Variants in RDX observed in about 807,000 individuals in gnomAD.
The protein encoded by RDX is deafness, autosomal recessive 24.
In RDX, 32 loss-of-function variants were observed where a neutral mutation model predicts 83.7. The ratio of observed to expected loss-of-function variants is 0.38; its 90% CI spans 0.29 to 0.51. The LOEUF (loss-of-function observed/expected upper bound fraction) is 0.51. Ranked by LOEUF, RDX falls within the 20% of genes least tolerant of loss-of-function variation. The pLI is 0.87. For synonymous variants in RDX, 229 were observed against 222.7 expected (o/e 1.03, Z -0.25); for missense variants, 600 against 689.9 (o/e 0.87, Z 1.46).
At chr11:110,255,466 T>G in intron 7 of RDX, 81 bp from the exon 8 acceptor site, 1 of 771,558 alleles carries the variant, frequency 1.3e-6, no homozygotes, top group East Asian at 2.5e-5. Flanking sequence ...ACTGACTGAA[T>G]GACCAATCTT....
At chr11:110,267,462 G>A (rs1242096354) in intron 3 of RDX, among the ~76,000 whole-genome samples, 2 of 151,666 alleles carry the variant, frequency 1.3e-5, no homozygotes, top group South Asian at 2.1e-4. Flanking sequence ...GCAGTGAGCC[G>A]AGTTCGCGCC....
chr11:110,224,383 A>G (rs1288654904), intron 14 of RDX, among the ~76,000 whole-genome samples: 1 of 152,258 alleles, frequency 6.6e-6, no homozygotes, highest in East Asian at 1.9e-4. Context: ...TAATTCAAAC[A>G]TACACAGATA....
At chr11:110,267,566 A>ACACACACAC (rs1565324977) in intron 3 of RDX, among the ~76,000 whole-genome samples, 2 of 148,690 alleles carry the variant, frequency 1.3e-5, no homozygotes, top group Admixed American at 6.7e-5. Flanking sequence ...ACACACACAC[A>ACACACACAC]AATAATCTTA....
Position 110,230,787 on chromosome 11 carries a change from G to C in RDX, c.*1082C>G, listed in dbSNP as rs746957862. ...ATATTCTGAAGGAAAATGAAATTTC[G>C]AAAGTATTTCTTGATGATCGAGGCT... On this transcript the variant is annotated 3_prime_UTR_variant, in exon 14 of 14. Transcript: ENST00000645495. 1 of 152,612 alleles carries C rather than the reference G, an allele frequency of 6.6e-6. No individual in the cohort carries two copies. Among genetic ancestry groups the C allele is most frequent in the African/African-American group, 2.4e-5 (1 of 41,534 alleles). 9.5% of individuals were successfully genotyped at this position (152,612 alleles called of 1,614,324 possible).
chr11:110,177,239 G>T (rs566598654), intron 15 of RDX, among the ~76,000 whole-genome samples: 1 of 152,220 alleles, frequency 6.6e-6, no homozygotes, highest in African/African-American at 2.4e-5. Context: ...GCCTGAGGCC[G>T]CGACAGTGCG....
In RDX at chr11:110,273,159, G is replaced by A. The variant is rs1239342448; in HGVS notation, c.13-540C>T. The A allele has an allele frequency of 8.9e-6, 4 of 450,358 alleles. No homozygotes were observed. The Admixed American group carries it at 9.5e-5, about 11-fold the overall frequency. 27.9% of individuals were successfully genotyped at this position (450,358 alleles called of 1,614,324 possible). A position where few individuals can be genotyped will look rare whatever the true frequency, so the allele number is the denominator to read the frequency against. On this transcript the variant is annotated intron_variant, in intron 2 of 13. Transcript: ENST00000645495. The stretch of plus-strand genomic sequence containing the variant: ...CCTAGGAGTTTGAGGGCTGCCGTGA[G>A]CTATGATTGTACTACTGAACTTCAG...
In RDX at chr11:110,269,765, C is replaced by T. The variant is rs137948051; in HGVS notation, c.96+2771G>A. The stretch of plus-strand genomic sequence containing the variant: ...ACTCAATAATCTAGACCAGGCTGGA[C>T]GGTGGCTCACGCCTGTAATCCTGGC... On this transcript the variant is annotated intron_variant, in intron 3 of 13. Coordinates refer to ENST00000645495, the MANE Select transcript of RDX (RefSeq NM_002906.4). Among the ~76,000 whole-genome samples the T allele has an allele frequency of 6.3e-3, 964 of 152,252 alleles. 11 individuals carry two copies. Among genetic ancestry groups the T allele is most frequent in the African/African-American group, 0.021 (870 of 41,544 alleles).
At chr11:110,283,186 C>T (rs2134432001) in intron 1 of RDX, among the ~76,000 whole-genome samples, 1 of 152,182 alleles carries the variant, frequency 6.6e-6, no homozygotes, top group South Asian at 2.1e-4. Context: ...TGGAGTCTCG[C>T]TCTGTCACCC....
At chr11:110,259,326 A>G (rs1044136147) in intron 5 of RDX, among the ~76,000 whole-genome samples, 1 of 152,222 alleles carries the variant, frequency 6.6e-6, no homozygotes, top group Admixed American at 6.5e-5. Flanking sequence ...TGCACACTAC[A>G]GTTTGTGACT....
At chr11:110,255,525 G>T in intron 7 of RDX, 140 bp from the exon 8 acceptor site, 1 of 628,488 alleles carries the variant, frequency 1.6e-6, no homozygotes, top group Non-Finnish European at 2.9e-6. Context: ...AACTACAGTT[G>T]ACCTTATCTT....
chr11:110,280,639 C>A (rs1373502710), intron 1 of RDX, among the ~76,000 whole-genome samples: 2 of 152,234 alleles, frequency 1.3e-5, no homozygotes, highest in Non-Finnish European at 2.9e-5. Flanking sequence ...CAAAGCTCTG[C>A]ACACTAACAA....
intron 3 of RDX, among the ~76,000 whole-genome samples, chr11:110,271,726 C>T (rs890555501): frequency 2.6e-5 from 4 of 152,044 alleles, no homozygotes; most frequent in Non-Finnish European, 5.9e-5. Context: ...ATCAGTAGTC[C>T]CAGTTCCTTA....
intron 10 of RDX, among the ~76,000 whole-genome samples, chr11:110,239,256 AAAG>A (rs1864986169): frequency 1.3e-5 from 2 of 152,200 alleles, no homozygotes; most frequent in African/African-American, 4.8e-5. Flanking sequence ...CAATCTAACC[AAAG>A]AAGTGAAAGA....
intron 15 of RDX, chr11:110,185,554 C>A (rs1862970026): frequency 6.6e-6 from 1 of 152,236 alleles, no homozygotes; most frequent in Non-Finnish European, 1.5e-5. Flanking sequence ...GGTAGCGGAG[C>A]CCAGCATGTG....
chr11:110,290,865 A>T (rs1861214462), intron 1 of RDX, among the ~76,000 whole-genome samples: 1 of 152,268 alleles, frequency 6.6e-6, no homozygotes, highest in South Asian at 2.1e-4. Context: ...GGTTTAGCCC[A>T]TGGACCACAA....
intron 14 of RDX, among the ~76,000 whole-genome samples, chr11:110,216,377 ATT>A (rs1449143075): frequency 7.0e-6 from 1 of 143,636 alleles, no homozygotes. Flanking sequence ...ACTTTTTCTA[ATT>A]TTTTTTTTTT....
intron 10 of RDX, among the ~76,000 whole-genome samples, chr11:110,239,447 C>T (rs184547420): frequency 3.9e-5 from 6 of 152,018 alleles, no homozygotes; most frequent in East Asian, 1.9e-4. Flanking sequence ...TAAAAAAGGA[C>T]GAAAAACCAG....
intron 14 of RDX, among the ~76,000 whole-genome samples, chr11:110,216,073 G>A (rs1484704609): frequency 1.3e-5 from 2 of 152,138 alleles, no homozygotes; most frequent in African/African-American, 4.8e-5. Context: ...TTGTCCTACA[G>A]GGCCAAACTG....
At chr11:110,235,410 T>A (rs1017195763) in intron 12 of RDX, among the ~76,000 whole-genome samples, 42 of 152,244 alleles carry the variant, frequency 2.8e-4, no homozygotes, top group African/African-American at 9.6e-4. Flanking sequence ...CCACAAAATG[T>A]CTCTTATATC....
Sources: allele counts gnomAD v4.1 joint callset (sites outside exome capture counted in the v4.1 genomes callset), GRCh38; gene constraint gnomAD v4.1.1; transcripts MANE v1.5; gene names NCBI Gene and HGNC (gene_info 2026-07-23, HGNC 2026-07-21).